INAFM2: variants seen among roughly 807,000 people sequenced by gnomAD.
INAFM2 encodes the protein InaF motif containing 2.
Under a neutral mutation model 5.6 loss-of-function variants are expected in INAFM2, and 3 were observed. The ratio of observed to expected loss-of-function variants is 0.54; its 90% CI spans 0.24 to 1.39. The LOEUF (loss-of-function observed/expected upper bound fraction) is 1.39. Ranked by LOEUF, INAFM2 falls within the 40% of genes most tolerant of loss-of-function variation. The probability of loss-of-function intolerance (pLI) is 0.16; values close to 1 mark genes in which losing one functional copy is unlikely to be tolerated. For synonymous variants in INAFM2, 113 were observed against 109.1 expected (o/e 1.04, Z -0.22); for missense variants, 186 against 217.5 (o/e 0.86, Z 0.91).
Position 40,324,086 on chromosome 15 carries a change from C to G in INAFM2, c.31C>G (p.Arg11Gly). Residue 11 changes from arginine (R) to glycine (G), a missense_variant, in exon 1 of 1, where the codon CGG (arginine) becomes GGG (glycine). Around this residue, in one of 2 missense-constraint regions of INAFM2, gnomAD observed 38 missense variants for 77.3 expected, o/e 0.49. Transcript: ENST00000638170. Reference sequence around the variant, plus strand: ...GGAGCGCGACGCGGCCCCGGCCGAGCGGGGCAAGCCGGCCACCTACACCGG... The same window carrying G: ...GGAGCGCGACGCGGCCCCGGCCGAGGGGGGCAAGCCGGCCACCTACACCGG... MKERDAAPAE[R>G]GKPATYTGDK... The G allele has an allele frequency of 6.5e-6, 8 of 1,229,344 alleles. No homozygotes were observed. Among genetic ancestry groups the G allele is most frequent in the Non-Finnish European group, 8.1e-6 (8 of 986,496 alleles). 76.2% of individuals were successfully genotyped at this position (1,229,344 alleles called of 1,614,324 possible). A position where few individuals can be genotyped will look rare whatever the true frequency, so the allele number is the denominator to read the frequency against.
rs1888741284 is a variant in INAFM2 at position 40,324,048 on chromosome 15, G to GC, written c.-1dup. ...GTGGAGCACCGGGGCAAAGGCCGGG[G>GC]CCCCCCCATGAAGGAGCGCGACGCG... On this transcript the variant is annotated 5_prime_UTR_variant, in exon 1 of 1. Transcript: ENST00000638170. 4 of 1,227,046 alleles carry GC rather than the reference G, an allele frequency of 3.3e-6. No homozygotes were observed. The highest frequency in any genetic ancestry group is 4.1e-6 in the Non-Finnish European group (4 of 984,900). The allele number at this position is 1,227,046 out of a possible 1,614,324, so 76.0% of individuals were successfully genotyped here.
At position 40,325,264 on chromosome 15, in the gene INAFM2, A is replaced by G. The variant is rs1483999688; in HGVS notation, c.*747A>G. The G allele has an allele frequency of 6.6e-6, 1 of 152,200 alleles. No individual in the cohort carries two copies. The highest frequency in any genetic ancestry group is 1.5e-5 in the Non-Finnish European group (1 of 68,050). The allele number at this position is 152,200 out of a possible 1,614,324, so 9.4% of individuals were successfully genotyped here. A position where few individuals can be genotyped will look rare whatever the true frequency, so the allele number is the denominator to read the frequency against. On this transcript the variant is annotated 3_prime_UTR_variant, in exon 1 of 1. Transcript: ENST00000638170. ...GAGTATAATCATTCTTAGACTGTTG[A>G]CATGGCTGTGGAAAGCCTTAGGAGA...
rs945423293 is a variant in INAFM2 at position 40,324,048 on chromosome 15, G to A, written c.-8G>A. 5 of 1,226,940 alleles carry A rather than the reference G, an allele frequency of 4.1e-6. No homozygotes were observed. Among genetic ancestry groups the A allele is most frequent in the South Asian group, 4.1e-5 (1 of 24,292 alleles). 76.0% of individuals were successfully genotyped at this position (1,226,940 alleles called of 1,614,324 possible). A position where few individuals can be genotyped will look rare whatever the true frequency, so the allele number is the denominator to read the frequency against. On this transcript the variant is annotated 5_prime_UTR_variant, in exon 1 of 1. Transcript: ENST00000638170. ...GTGGAGCACCGGGGCAAAGGCCGGG[G>A]CCCCCCCATGAAGGAGCGCGACGCG...
chr15:40,324,103 C>A lies in INAFM2; in HGVS notation c.48C>A (p.Thr16=). The change falls in exon 1 of 1, where the codon ACC becomes ACA. Residue 16 remains threonine (T), a synonymous_variant. Coordinates refer to ENST00000638170, the MANE Select transcript of INAFM2 (RefSeq NM_001301268.2). ...CGGCCGAGCGGGGCAAGCCGGCCAC[C>A]TACACCGGGGACAAGAAGGCGAAGA... ...AAPAERGKPA[T]YTGDKKAKMA... The A allele has an allele frequency of 2.4e-6, 3 of 1,229,724 alleles. No individual in the cohort carries two copies. The highest frequency in any genetic ancestry group is 3.0e-6 in the Non-Finnish European group (3 of 986,766). The allele number at this position is 1,229,724 out of a possible 1,614,324, so 76.2% of individuals were successfully genotyped here.
Position 40,324,450 on chromosome 15 carries a change from C to A in INAFM2, c.395C>A (p.Pro132Gln). The change falls in exon 1 of 1, where the codon CCG becomes CAG. Residue 132 changes from proline to glutamine, a missense_variant. Pro to Gln is a moderately conservative substitution (Grantham distance 76, BLOSUM62 -1). This residue lies in a region of INAFM2 where 148 missense variants were observed against 140.2 expected (regional missense o/e 1.06). Coordinates refer to ENST00000638170, the MANE Select transcript of INAFM2 (RefSeq NM_001301268.2). ...EPPADSPPAG[P>Q]LERPRGPDED... ...CCTGCGGACAGCCCCCCGGCCGGGC[C>A]GCTCGAGCGGCCTCGGGGGCCGGAC... 1.6e-6 allele frequency: 2 copies of A among 1,223,086 alleles called. No homozygotes were observed. Among genetic ancestry groups the A allele is most frequent in the Non-Finnish European group, 2.0e-6 (2 of 982,360 alleles). The allele number at this position is 1,223,086 out of a possible 1,614,324, so 75.8% of individuals were successfully genotyped here.
Position 40,324,804 on chromosome 15 carries a change from A to C in INAFM2, c.*287A>C. 1 of 288,154 alleles carries C rather than the reference A, an allele frequency of 3.5e-6. No individual in the cohort carries two copies. Among genetic ancestry groups the C allele is most frequent in the East Asian group, 5.8e-5 (1 of 17,168 alleles). The allele number at this position is 288,154 out of a possible 1,614,324, so 17.8% of individuals were successfully genotyped here. ...GAGGGGTGGGGAGATCCCGGCACCA[A>C]ACCCTTCTGCGCCGCTCGCTCTGGT... is the stretch of plus-strand genomic sequence containing the variant. On this transcript the variant is annotated 3_prime_UTR_variant, in exon 1 of 1. Coordinates refer to ENST00000638170, the MANE Select transcript of INAFM2 (RefSeq NM_001301268.2).
At position 40,325,061 on chromosome 15, in the gene INAFM2, T is replaced by C. The variant is rs1241946576; in HGVS notation, c.*544T>C. The C allele has an allele frequency of 6.6e-6, 1 of 152,254 alleles. No individual in the cohort carries two copies. Among genetic ancestry groups the C allele is most frequent in the African/African-American group, 2.4e-5 (1 of 41,460 alleles). The allele number at this position is 152,254 out of a possible 1,614,324, so 9.4% of individuals were successfully genotyped here. A position where few individuals can be genotyped will look rare whatever the true frequency, so the allele number is the denominator to read the frequency against. ...GAAGCTATAATCACATAGAATTCTA[T>C]GTATATCCTCCCACACCCTGGGTAG... On this transcript the variant is annotated 3_prime_UTR_variant, in exon 1 of 1. Transcript: ENST00000638170.
chr15:40,326,166 A>C lies in INAFM2; in HGVS notation c.*1649A>C, dbSNP rs779666863. 6.6e-6 allele frequency: 1 copy of C among 152,234 alleles called. No homozygotes were observed. The allele number at this position is 152,234 out of a possible 1,614,324, so 9.4% of individuals were successfully genotyped here. A position where few individuals can be genotyped will look rare whatever the true frequency, so the allele number is the denominator to read the frequency against. ...AGCAACTGAGCTGTCACAGCCTACC[A>C]GCAGGCTGGTAACACCTCCAGGGTC... On this transcript the variant is annotated 3_prime_UTR_variant, in exon 1 of 1. Coordinates refer to ENST00000638170, the MANE Select transcript of INAFM2 (RefSeq NM_001301268.2).
chr15:40,323,956 AACCGAGGGCGCCGGGCCGCCC>A lies in INAFM2; in HGVS notation c.-99_-79del. 1 of 589,746 alleles carries A rather than the reference AACCGAGGGCGCCGGGCCGCCC, an allele frequency of 1.7e-6. No individual in the cohort carries two copies. The allele number at this position is 589,746 out of a possible 1,614,324, so 36.5% of individuals were successfully genotyped here. A position where few individuals can be genotyped will look rare whatever the true frequency, so the allele number is the denominator to read the frequency against. On this transcript the variant is annotated 5_prime_UTR_variant, in exon 1 of 1. Transcript: ENST00000638170. The surrounding 1 kb of genome is among the most constrained non-coding windows in gnomAD (Gnocchi z 5.6). ...GGCGGCGGAGCGCGGGGCCGCCGGG[AACCGAGGGCGCCGGGCCGCCC>A]CCTGCCCAGTCCTTGCAGGCCGCCA...
rs1888773076 is a variant in INAFM2, at chr15:40,325,336, C to T, written c.*819C>T. ...GTGGGGAATGTACTCATCCCCTCTT[C>T]TTTCCATCCTAGTGCCCCCACCAAA... On this transcript the variant is annotated 3_prime_UTR_variant, in exon 1 of 1. Coordinates refer to ENST00000638170, the MANE Select transcript of INAFM2 (RefSeq NM_001301268.2). 1 of 152,246 alleles carries T rather than the reference C, an allele frequency of 6.6e-6. No homozygotes were observed. The highest frequency in any genetic ancestry group is 1.5e-5 in the Non-Finnish European group (1 of 68,068). 9.4% of individuals were successfully genotyped at this position (152,246 alleles called of 1,614,324 possible).
Position 40,324,230 on chromosome 15 carries a change from C to T in INAFM2, c.175C>T (p.Leu59Phe). ...CATCGTGCTCGCCGTCTACTACAGC[C>T]TCATCTGGCAGCCGGTGGGCGCCGG... ...AAIVLAVYYS[L>F]IWQPVGAGTS... Residue 59 changes from leucine (L) to phenylalanine (F), a missense_variant, in exon 1 of 1, where the codon CTC becomes TTC. Transcript: ENST00000638170. 8.1e-7 allele frequency: 1 copy of T among 1,229,718 alleles called. No homozygotes were observed. Among genetic ancestry groups the T allele is most frequent in the Non-Finnish European group, 1.0e-6 (1 of 986,778 alleles). The allele number at this position is 1,229,718 out of a possible 1,614,324, so 76.2% of individuals were successfully genotyped here.
Position 40,325,561 on chromosome 15 carries a change from C to T in INAFM2, c.*1044C>T, listed in dbSNP as rs1342905419. On this transcript the variant is annotated 3_prime_UTR_variant, in exon 1 of 1. Transcript: ENST00000638170. ...CAAAATGTTGTCTTGTTCCGGCAAT[C>T]ACTTTTGCCTTCCCTCTTTCCTGAG... is the stretch of plus-strand genomic sequence containing the variant. The T allele has an allele frequency of 6.6e-6, 1 of 152,004 alleles. No individual in the cohort carries two copies. The highest frequency in any genetic ancestry group is 3.2e-3 in the Middle Eastern group (1 of 316). The allele number at this position is 152,004 out of a possible 1,614,324, so 9.4% of individuals were successfully genotyped here.
Position 40,323,965 on chromosome 15 carries a change from C to A in INAFM2, c.-91C>A. On this transcript the variant is annotated 5_prime_UTR_variant, in exon 1 of 1. Transcript: ENST00000638170. The surrounding 1 kb of genome is among the most constrained non-coding windows in gnomAD (Gnocchi z 5.6). ...GCGCGGGGCCGCCGGGAACCGAGGG[C>A]GCCGGGCCGCCCCCTGCCCAGTCCT... 4 of 687,976 alleles carry A rather than the reference C, an allele frequency of 5.8e-6. No individual in the cohort carries two copies. Among genetic ancestry groups the A allele is most frequent in the Non-Finnish European group, 7.9e-6 (4 of 503,530 alleles). The allele number at this position is 687,976 out of a possible 1,614,324, so 42.6% of individuals were successfully genotyped here.
Position 40,325,855 on chromosome 15 carries a change from G to A in INAFM2, c.*1338G>A, listed in dbSNP as rs1309034680. The A allele has an allele frequency of 6.6e-6, 1 of 152,230 alleles. No individual in the cohort carries two copies. The highest frequency in any genetic ancestry group is 6.5e-5 in the Admixed American group (1 of 15,286). 9.4% of individuals were successfully genotyped at this position (152,230 alleles called of 1,614,324 possible). A position where few individuals can be genotyped will look rare whatever the true frequency, so the allele number is the denominator to read the frequency against. ...AAACATCAAGAGAAATGACATACAT[G>A]TAGCTCTGGGGTAGCAAGAACTAGA... On this transcript the variant is annotated 3_prime_UTR_variant, in exon 1 of 1. Coordinates refer to ENST00000638170, the MANE Select transcript of INAFM2 (RefSeq NM_001301268.2).
Position 40,324,054 on chromosome 15 carries a change from C to G in INAFM2, c.-2C>G. 8.1e-7 allele frequency: 1 copy of G among 1,228,378 alleles called. No homozygotes were observed. Among genetic ancestry groups the G allele is most frequent in the Non-Finnish European group, 1.0e-6 (1 of 985,840 alleles). The allele number at this position is 1,228,378 out of a possible 1,614,324, so 76.1% of individuals were successfully genotyped here. ...CACCGGGGCAAAGGCCGGGGCCCCC[C>G]CATGAAGGAGCGCGACGCGGCCCCG... On this transcript the variant is annotated 5_prime_UTR_variant, in exon 1 of 1. Coordinates refer to ENST00000638170, the MANE Select transcript of INAFM2 (RefSeq NM_001301268.2).
rs1888756671 is a variant in INAFM2, at chr15:40,324,620, G to A, written c.*103G>A. On this transcript the variant is annotated 3_prime_UTR_variant, in exon 1 of 1. Coordinates refer to ENST00000638170, the MANE Select transcript of INAFM2 (RefSeq NM_001301268.2). The stretch of plus-strand genomic sequence containing the variant: ...GAGCCCGCGGGAGTGACCCCCACGA[G>A]AGTGAACGCCCCTCACACTCCCACC... The A allele has an allele frequency of 2.4e-6, 2 of 818,524 alleles. No homozygotes were observed. Among genetic ancestry groups the A allele is most frequent in the African/African-American group, 3.6e-5 (2 of 56,090 alleles). The allele number at this position is 818,524 out of a possible 1,614,324, so 50.7% of individuals were successfully genotyped here.
rs1465516101 is a variant in INAFM2 at position 40,324,583 on chromosome 15, G to A, written c.*66G>A. ...AGCCCAGAGGCAGGACTTCGCAGCA[G>A]GATGGGGTGGAGAGCCCGCGGGAGT... On this transcript the variant is annotated 3_prime_UTR_variant, in exon 1 of 1. Transcript: ENST00000638170. 1.8e-6 allele frequency: 2 copies of A among 1,135,444 alleles called. No homozygotes were observed. The highest frequency in any genetic ancestry group is 4.3e-5 in the Admixed American group (1 of 23,144). 70.3% of individuals were successfully genotyped at this position (1,135,444 alleles called of 1,614,324 possible). A position where few individuals can be genotyped will look rare whatever the true frequency, so the allele number is the denominator to read the frequency against.
chr15:40,323,995 G>A lies in INAFM2; in HGVS notation c.-61G>A, dbSNP rs1165045982. 6 of 1,084,474 alleles carry A rather than the reference G, an allele frequency of 5.5e-6. 1 individual carries two copies. The South Asian group carries it at 1.9e-4, about 33-fold the overall frequency. 67.2% of individuals were successfully genotyped at this position (1,084,474 alleles called of 1,614,324 possible). A position where few individuals can be genotyped will look rare whatever the true frequency, so the allele number is the denominator to read the frequency against. ...GGCCGCCCCCTGCCCAGTCCTTGCAGGCCGCCAGGCCCCCTCCAGCCGGGG... is the reference window on the plus strand; with the variant it reads ...GGCCGCCCCCTGCCCAGTCCTTGCAAGCCGCCAGGCCCCCTCCAGCCGGGG... On this transcript the variant is annotated 5_prime_UTR_variant, in exon 1 of 1. Coordinates refer to ENST00000638170, the MANE Select transcript of INAFM2 (RefSeq NM_001301268.2). This position sits in a 1 kb window ranked among gnomAD's most constrained non-coding sequence, Gnocchi z 5.6.
rs1460111063 is a variant in INAFM2, at chr15:40,326,084, C to T, written c.*1567C>T. 6.6e-6 allele frequency: 1 copy of T among 152,088 alleles called. No homozygotes were observed. The highest frequency in any genetic ancestry group is 1.5e-5 in the Non-Finnish European group (1 of 68,030). The allele number at this position is 152,088 out of a possible 1,614,324, so 9.4% of individuals were successfully genotyped here. On this transcript the variant is annotated 3_prime_UTR_variant, in exon 1 of 1. Transcript: ENST00000638170. ...GCCTATACTCTAGTTAGCTCTGATCCAAGTTTACAGGACAACAGCCTTGCT... is the reference window on the plus strand; with the variant it reads ...GCCTATACTCTAGTTAGCTCTGATCTAAGTTTACAGGACAACAGCCTTGCT...
Sources: gnomAD v4.1 joint callset for allele counts on GRCh38, gnomAD v4.1.1 for gene constraint, gnomAD v4.1.1 regional missense constraint, Gnocchi (gnomAD v3.1) non-coding constraint, MANE v1.5 for transcripts, NCBI Gene and HGNC (gene_info 2026-07-23, HGNC 2026-07-21) for gene names.